Variants in CDKL4 observed in about 807,000 individuals in gnomAD.
The protein encoded by CDKL4 is cyclin-dependent kinase-like 4.
A neutral mutation model predicts 42.0 loss-of-function variants in CDKL4; 44 were observed. The ratio of observed to expected loss-of-function variants is 1.05; its 90% confidence interval spans 0.82 to 1.35. The LOEUF is 1.35. Ranked by LOEUF, CDKL4 falls within the 40% of genes most tolerant of loss-of-function variation. The probability of loss-of-function intolerance (pLI) is 0.00; values close to 1 mark genes in which losing one functional copy is unlikely to be tolerated. For missense variants in CDKL4, 393 were observed against 369.9 expected (o/e 1.06, Z -0.51); for synonymous variants, 120 against 121.6 (o/e 0.99, Z 0.09).
chr2:39,190,107 A>C (rs1286566898), intron 6 of CDKL4, among the ~76,000 whole-genome samples, 198 bp downstream of exon 6: 2 of 152,220 alleles, frequency 1.3e-5, no homozygotes, highest in Non-Finnish European at 2.9e-5. Context: ...GCTCCCTGAG[A>C]GGAGTTACGG....
intron 4 of CDKL4, among the ~76,000 whole-genome samples, chr2:39,206,349 T>C (rs1020772935): frequency 6.6e-6 from 1 of 152,208 alleles, no homozygotes; most frequent in African/African-American, 2.4e-5. Context: ...CCCAAAGTGC[T>C]GGGATTACAG....
chr2:39,217,301 C>G (rs1677990067), intron 3 of CDKL4, among the ~76,000 whole-genome samples: 1 of 152,134 alleles, frequency 6.6e-6, no homozygotes, highest in Non-Finnish European at 1.5e-5. Context: ...TAATGAAGGC[C>G]TTAAAGCAAA....
chr2:39,174,908 T>A (rs1456256423), downstream of CDKL4, among the ~76,000 whole-genome samples: 1 of 152,196 alleles, frequency 6.6e-6, no homozygotes, highest in African/African-American at 2.4e-5. Flanking sequence ...TGTTTATACA[T>A]ATGTGTATAT....
chr2:39,226,047 A>G, intron 2 of CDKL4, 87 bp from the exon 3 acceptor site: 2 of 1,314,468 alleles, frequency 1.5e-6, no homozygotes, highest in Non-Finnish European at 2.0e-6. Flanking sequence ...TAAAGTTGGA[A>G]GAAATTTAAG....
chr2:39,188,102 C>CA (rs1675939405), intron 6 of CDKL4, among the ~76,000 whole-genome samples: 3 of 151,834 alleles, frequency 2.0e-5, no homozygotes, highest in African/African-American at 7.3e-5. Context: ...AAACAAAAAA[C>CA]AAAAAACAGG....
intron 3 of CDKL4, among the ~76,000 whole-genome samples, chr2:39,216,690 T>C (rs1558572503): frequency 6.6e-6 from 1 of 151,946 alleles, no homozygotes; most frequent in Non-Finnish European, 1.5e-5. Flanking sequence ...CCTGCTGACA[T>C]GGGAACAGAA....
intron 1 of CDKL4, among the ~76,000 whole-genome samples, chr2:39,242,214 G>GT (rs1679698432): frequency 6.6e-6 from 1 of 151,884 alleles, no homozygotes; most frequent in African/African-American, 2.4e-5. Context: ...CCTAGCTAAT[G>GT]TTTGTATTTT....
intron 1 of CDKL4, among the ~76,000 whole-genome samples, chr2:39,233,558 T>C (rs1387231985): frequency 6.6e-6 from 1 of 152,138 alleles, no homozygotes; most frequent in African/African-American, 2.4e-5. Flanking sequence ...AGAAACTGCA[T>C]TTTACTACAG....
the CDKL4 span, among the ~76,000 whole-genome samples, chr2:39,168,255 C>T: frequency 6.6e-6 from 1 of 152,090 alleles, no homozygotes; most frequent in Non-Finnish European, 1.5e-5. Context: ...TGCTTCTACA[C>T]AAATATGTGC....
intron 9 of CDKL4, among the ~76,000 whole-genome samples, chr2:39,177,067 A>G (rs552437016): frequency 1.2e-3 from 177 of 152,288 alleles, no homozygotes; most frequent in Non-Finnish European, 8.7e-4. Flanking sequence ...AGGATGGAGA[A>G]CATGGGCTGA....
chr2:39,185,223 T>C (rs1280319003), intron 7 of CDKL4, among the ~76,000 whole-genome samples: 1 of 22,462 alleles, frequency 4.5e-5, no homozygotes, highest in Non-Finnish European at 1.4e-4. Context: ...TATACATATA[T>C]ACACATACGT....
chr2:39,204,535 T>C (rs2148333476), exon 5 of CDKL4: 1 of 1,603,058 alleles, frequency 6.2e-7, no homozygotes. Context: ...ACTCAGAATT[T>C]GTGCAAACCC....
downstream of CDKL4, among the ~76,000 whole-genome samples, chr2:39,175,363 T>C (rs776205118): frequency 6.6e-6 from 1 of 152,224 alleles, no homozygotes; most frequent in South Asian, 2.1e-4. Flanking sequence ...GTCCACTGTT[T>C]GCTATGTATT....
At chr2:39,178,968 C>G in intron 9 of CDKL4, 1 of 1,440,430 alleles carries the variant, frequency 6.9e-7, no homozygotes, top group Non-Finnish European at 9.1e-7. Flanking sequence ...CGATTTGATT[C>G]AGGTGTGTTT....
At chr2:39,226,445 T>TTATATATATATTATATATATTA (rs994951716) in intron 2 of CDKL4, among the ~76,000 whole-genome samples, 7 of 99,518 alleles carry the variant, frequency 7.0e-5, no homozygotes, top group Admixed American at 3.1e-4. Flanking sequence ...ATTATATATA[T>TTATATATATATTATATATATTA]TATATATATA....
intron 9 of CDKL4, chr2:39,178,939 C>A: frequency 6.9e-7 from 1 of 1,446,044 alleles, no homozygotes; most frequent in South Asian, 1.5e-5. Context: ...CCAATCAGAG[C>A]AGCCAAAGAG....
chr2:39,188,331 G>A (rs1675952505), intron 6 of CDKL4, among the ~76,000 whole-genome samples: 1 of 151,940 alleles, frequency 6.6e-6, no homozygotes, highest in Non-Finnish European at 1.5e-5. Context: ...GGGAGGCAGA[G>A]GGAGGTGGAT....
At chr2:39,194,407 G>A (rs1463924340) in intron 5 of CDKL4, among the ~76,000 whole-genome samples, 1 of 152,200 alleles carries the variant, frequency 6.6e-6, no homozygotes, top group East Asian at 1.9e-4. Context: ...CCTGGAAGTG[G>A]AGGTTGCAAT....
intron 2 of CDKL4, among the ~76,000 whole-genome samples, chr2:39,227,237 A>G (rs1187121181): frequency 6.6e-6 from 1 of 152,216 alleles, no homozygotes; most frequent in Admixed American, 6.5e-5. Context: ...TAGACAAATC[A>G]ACTTTCCAAA....
Sources: gnomAD v4.1 joint callset for allele counts (sites outside exome capture counted in the v4.1 genomes callset) on GRCh38, gnomAD v4.1.1 for gene constraint, MANE v1.5 for transcripts, NCBI Gene and HGNC (gene_info 2026-07-23, HGNC 2026-07-21) for gene names.